Variants in VPS13B observed in about 807,000 individuals in gnomAD.
The protein encoded by VPS13B is intermembrane lipid transfer protein VPS13B.
Under a neutral mutation model 426.4 loss-of-function variants are expected in VPS13B, and 285 were observed. The observed-to-expected ratio is 0.67, with a 90% CI of 0.61 to 0.74. The LOEUF (loss-of-function observed/expected upper bound fraction) is 0.74, where lower values mean the gene tolerates loss of function less well. VPS13B is among the 30% of genes least tolerant of loss of function. The probability of loss-of-function intolerance (pLI) is 0.00; values close to 1 mark genes in which losing one functional copy is unlikely to be tolerated. For synonymous variants in VPS13B, 1,676 were observed against 1,676.4 expected, an observed-to-expected ratio of 1.00 and a Z score of 0.01; for missense variants, 4,537 against 4,782.6, an observed-to-expected ratio of 0.95 and a Z score of 1.51.
chr8:99,686,440 G>A (rs1381217901), intron 35 of VPS13B, among the ~76,000 whole-genome samples: 1 of 151,128 alleles, frequency 6.6e-6, no homozygotes, highest in African/African-American at 2.5e-5. Flanking sequence ...CTACAGGGCA[G>A]TGAAATTTCT....
At chr8:99,486,728 T>C (rs1224150160) in intron 25 of VPS13B, among the ~76,000 whole-genome samples, 3 of 152,216 alleles carry the variant, frequency 2.0e-5, no homozygotes, top group Admixed American at 2.0e-4. Context: ...TTAAACACCA[T>C]TGCTCAACCC....
chr8:99,638,732 T>C (rs897910330), intron 33 of VPS13B, among the ~76,000 whole-genome samples: 3 of 152,246 alleles, frequency 2.0e-5, no homozygotes, highest in African/African-American at 7.2e-5. Flanking sequence ...AGTATGCAGA[T>C]CAGGAAAGAC....
At chr8:99,540,782 A>G (rs1823575100) in intron 30 of VPS13B, among the ~76,000 whole-genome samples, 1 of 152,150 alleles carries the variant, frequency 6.6e-6, no homozygotes, top group Admixed American at 6.5e-5. Flanking sequence ...TTGTAACCAA[A>G]ATCTAAAAAC....
Position 99,875,953 on chromosome 8 carries a change from C to T in VPS13B, c.*287C>T. On this transcript the variant is annotated 3_prime_UTR_variant, in exon 62 of 62. Coordinates refer to ENST00000357162, the MANE Select transcript of VPS13B (RefSeq NM_152564.5). ...TTTACATCCTTACCTCTAAAAGATA[C>T]TTCAAAGTGACAAAAACGTGTTCCT... is the stretch of plus-strand genomic sequence containing the variant. 2.3e-6 allele frequency: 1 copy of T among 443,046 alleles called. No homozygotes were observed. The highest frequency in any genetic ancestry group is 4.1e-6 in the Non-Finnish European group (1 of 242,802). The allele number at this position is 443,046 out of a possible 1,614,324, so 27.4% of individuals were successfully genotyped here. A position where few individuals can be genotyped will look rare whatever the true frequency, so the allele number is the denominator to read the frequency against.
intron 3 of VPS13B, among the ~76,000 whole-genome samples, chr8:99,044,891 CACACA>C (rs760160525): frequency 6.8e-6 from 1 of 147,872 alleles, no homozygotes; most frequent in Non-Finnish European, 1.5e-5. Flanking sequence ...CACACACACA[CACACA>C]CACCACCCCC....
Position 99,384,222 on chromosome 8 carries a change from T to A in VPS13B, c.2839T>A (p.Cys947Ser). The A allele has an allele frequency of 6.2e-7, 1 of 1,613,940 alleles. No homozygotes were observed. The highest frequency in any genetic ancestry group is 8.5e-7 in the Non-Finnish European group (1 of 1,179,884). Reference protein sequence around the residue: ...YCHNSGAVLLCSIQGLAVNID... With the variant: ...YCHNSGAVLLSSIQGLAVNID... ...TTGTCTTTTAGGTGCTGTACTTCTT[T>A]GCAGTATACAAGGACTAGCAGTTAA... Residue 947 changes from cysteine to serine, a missense_variant, in exon 20 of 62, where the codon TGC (cysteine) becomes AGC (serine). Cys to Ser is a moderately radical substitution (Grantham distance 112, BLOSUM62 -1). This residue lies in a region of VPS13B where 4,311 missense variants were observed against 4,474.3 expected (regional missense o/e 0.96). Transcript: ENST00000357162.
At chr8:99,816,880 T>C (rs1438559582) in intron 44 of VPS13B, among the ~76,000 whole-genome samples, 1 of 152,184 alleles carries the variant, frequency 6.6e-6, no homozygotes, top group African/African-American at 2.4e-5. Flanking sequence ...ATTATCTGTT[T>C]ATACAGAGAT....
chr8:99,205,334 TCA>T (rs1452726383), intron 17 of VPS13B, among the ~76,000 whole-genome samples: 1 of 151,892 alleles, frequency 6.6e-6, no homozygotes, highest in African/African-American at 2.4e-5. Flanking sequence ...GAGGGGAACA[TCA>T]CACACTGGGG....
intron 3 of VPS13B, among the ~76,000 whole-genome samples, chr8:99,089,764 C>T (rs547441886): frequency 1.3e-5 from 2 of 152,206 alleles, no homozygotes; most frequent in Admixed American, 6.5e-5. Flanking sequence ...TTAATTCTCT[C>T]CTGTATCAGA....
chr8:99,738,260 C>T (rs953415609), intron 39 of VPS13B, among the ~76,000 whole-genome samples: 4 of 152,232 alleles, frequency 2.6e-5, no homozygotes, highest in Non-Finnish European at 5.9e-5. Context: ...ATCTTACATA[C>T]ATTTTTAACC....
At chr8:99,220,276 C>T (rs992600785) in intron 17 of VPS13B, among the ~76,000 whole-genome samples, 3 of 152,126 alleles carry the variant, frequency 2.0e-5, no homozygotes, top group African/African-American at 7.2e-5. Flanking sequence ...TTTGTTTAGG[C>T]TAGTTTAAAT....
At chr8:99,487,452 T>C (rs1031665898) in intron 25 of VPS13B, among the ~76,000 whole-genome samples, 1 of 152,168 alleles carries the variant, frequency 6.6e-6, no homozygotes, top group Non-Finnish European at 1.5e-5. Flanking sequence ...GGTAAAAAAA[T>C]ATACATGGTA....
rs1554754985 is a variant in VPS13B at position 99,365,516 on chromosome 8, C to CTTT, written c.2825-18676_2825-18674dup. Among the ~76,000 whole-genome samples the CTTT allele has an allele frequency of 3.4e-4, 35 of 102,402 alleles. 1 individual carries two copies. The highest frequency in any genetic ancestry group is 8.0e-4 in the African/African-American group (20 of 24,956). 67.2% of individuals were successfully genotyped at this position (102,402 alleles called of 152,430 possible). A position where few individuals can be genotyped will look rare whatever the true frequency, so the allele number is the denominator to read the frequency against. ...TTCCAATTTTCTTCTTCTTCTTCTT[C>CTTT]TTTTTTTTTTTTTTTTTTGAGGCGG... On this transcript the variant is annotated intron_variant, in intron 19 of 61. Transcript: ENST00000357162.
intron 33 of VPS13B, among the ~76,000 whole-genome samples, chr8:99,615,097 A>G (rs1828026076): frequency 6.6e-6 from 1 of 150,390 alleles, no homozygotes; most frequent in African/African-American, 2.5e-5. Flanking sequence ...AGCCTGGGGA[A>G]CAACAGTGAA....
At chr8:99,676,865 C>A (rs1035273036) in intron 35 of VPS13B, among the ~76,000 whole-genome samples, 1 of 152,074 alleles carries the variant, frequency 6.6e-6, no homozygotes, top group Non-Finnish European at 1.5e-5. Context: ...TGCAGAGGCT[C>A]ACACCTGTAA....
At chr8:99,239,464 C>T (rs1816806200) in intron 17 of VPS13B, among the ~76,000 whole-genome samples, 1 of 152,126 alleles carries the variant, frequency 6.6e-6, no homozygotes, top group Non-Finnish European at 1.5e-5. Context: ...AACAATATTA[C>T]TGTCATTTCA....
At chr8:99,696,858 T>C (rs1022363901) in intron 35 of VPS13B, 1 of 900,832 alleles carries the variant, frequency 1.1e-6, no homozygotes, top group Non-Finnish European at 1.9e-6. Flanking sequence ...CTGCTGGAGC[T>C]GCAGTCCATC....
chr8:99,144,007 T>C (rs544781949), intron 13 of VPS13B, among the ~76,000 whole-genome samples: 1 of 152,286 alleles, frequency 6.6e-6, no homozygotes, highest in South Asian at 2.1e-4. Context: ...ATGCCTTCCT[T>C]CTTTTCTTCT....
chr8:99,414,762 T>G (rs1815898563), intron 21 of VPS13B, among the ~76,000 whole-genome samples: 1 of 152,234 alleles, frequency 6.6e-6, no homozygotes, highest in Admixed American at 6.5e-5. Context: ...CTCTTCTGGC[T>G]TGTACGGTTT....
Sources: gnomAD v4.1 joint callset for allele counts (sites outside exome capture counted in the v4.1 genomes callset) on GRCh38, gnomAD v4.1.1 for gene constraint, gnomAD v4.1.1 regional missense constraint, MANE v1.5 for transcripts, NCBI Gene and HGNC (gene_info 2026-07-23, HGNC 2026-07-21) for gene names.